Variants in LRRTM3 observed in about 807,000 individuals in gnomAD.
LRRTM3 encodes the protein leucine rich repeat transmembrane neuronal 3.
In LRRTM3, 24 loss-of-function variants were observed where a neutral mutation model predicts 44.7. That is an observed-to-expected ratio of 0.54 (90% CI 0.39 to 0.76). LRRTM3 has a LOEUF of 0.76. Among genes scored for constraint, LRRTM3 ranks in the 30% least tolerant of loss-of-function variants. The pLI is 0.00. For missense variants in LRRTM3, 587 were observed against 702.2 expected, an observed-to-expected ratio of 0.84 and a Z score of 1.85; for synonymous variants, 277 against 278.7, an observed-to-expected ratio of 0.99 and a Z score of 0.06.
At chr10:66,931,843 A>G (rs1847414815) in intron 2 of LRRTM3, among the ~76,000 whole-genome samples, 1 of 152,206 alleles carries the variant, frequency 6.6e-6, no homozygotes, top group Non-Finnish European at 1.5e-5. Context: ...GATAAGAAAT[A>G]TTTTAGAGTG....
chr10:67,092,823 G>A (rs999813298), intron 2 of LRRTM3, among the ~76,000 whole-genome samples: 10 of 151,942 alleles, frequency 6.6e-5, no homozygotes, highest in African/African-American at 2.2e-4. Context: ...ATTACTGCTA[G>A]GGCAAATATC....
intron 2 of LRRTM3, among the ~76,000 whole-genome samples, chr10:66,977,243 A>C (rs1429890760): frequency 6.6e-6 from 1 of 151,854 alleles, no homozygotes; most frequent in African/African-American, 2.4e-5. Context: ...TTGAGACCAT[A>C]CTGGCCAACA....
chr10:67,082,251 T>C (rs920225058), intron 2 of LRRTM3, among the ~76,000 whole-genome samples: 12 of 152,240 alleles, frequency 7.9e-5, no homozygotes, highest in African/African-American at 2.4e-4. Flanking sequence ...AATATATTAG[T>C]TGGTTTTAAC....
chr10:67,094,465 T>C (rs1857844561), intron 2 of LRRTM3, among the ~76,000 whole-genome samples: 1 of 151,810 alleles, frequency 6.6e-6, no homozygotes, highest in Non-Finnish European at 1.5e-5. Flanking sequence ...TTATAGTAAT[T>C]GGGGGAACAG....
chr10:66,986,646 G>T (rs1033265074), intron 2 of LRRTM3, among the ~76,000 whole-genome samples: 1 of 152,112 alleles, frequency 6.6e-6, no homozygotes, highest in Non-Finnish European at 1.5e-5. Context: ...AAGAATTTTA[G>T]AATGAATCAA....
chr10:67,040,096 T>G (rs1451671516), intron 2 of LRRTM3, among the ~76,000 whole-genome samples: 3 of 152,142 alleles, frequency 2.0e-5, no homozygotes, highest in African/African-American at 7.2e-5. Context: ...CAGCAATCAT[T>G]CTAGCAGTAT....
chr10:66,982,625 G>GA (rs1322008851), intron 2 of LRRTM3, among the ~76,000 whole-genome samples: 2 of 151,920 alleles, frequency 1.3e-5, no homozygotes, highest in African/African-American at 2.4e-5. Flanking sequence ...AATTGAAATA[G>GA]AAAAAAATTG....
chr10:66,943,380 A>T (rs1197203407), intron 2 of LRRTM3, among the ~76,000 whole-genome samples: 1 of 152,152 alleles, frequency 6.6e-6, no homozygotes, highest in Non-Finnish European at 1.5e-5. Context: ...ATTACTCTTA[A>T]ATTAGAAACT....
chr10:67,024,921 C>T (rs1322809264), intron 2 of LRRTM3, among the ~76,000 whole-genome samples: 5 of 151,710 alleles, frequency 3.3e-5, no homozygotes, highest in South Asian at 2.1e-4. Context: ...ACCTGAGGTC[C>T]GGAGTTTGAG....
intron 2 of LRRTM3, among the ~76,000 whole-genome samples, chr10:66,991,946 C>T (rs534417159): frequency 6.6e-6 from 1 of 152,250 alleles, no homozygotes; most frequent in Admixed American, 6.5e-5. Flanking sequence ...TTCATACCTC[C>T]CCTTTCAGTG....
intron 2 of LRRTM3, among the ~76,000 whole-genome samples, chr10:67,038,445 C>T (rs1233017216): frequency 6.6e-6 from 1 of 151,808 alleles, no homozygotes; most frequent in Non-Finnish European, 1.5e-5. Context: ...AATATATGTC[C>T]ATTAATTAGA....
chr10:67,093,906 A>T (rs1857811766), intron 2 of LRRTM3, among the ~76,000 whole-genome samples: 1 of 152,002 alleles, frequency 6.6e-6, no homozygotes, highest in South Asian at 2.1e-4. Flanking sequence ...AAAGGGACGG[A>T]TAATCTCTTC....
chr10:67,022,607 C>T (rs542405618), intron 2 of LRRTM3, among the ~76,000 whole-genome samples: 1 of 152,098 alleles, frequency 6.6e-6, no homozygotes, highest in Non-Finnish European at 1.5e-5. Context: ...GGTAAGTATA[C>T]TATTTTTTAC....
At chr10:67,061,787 G>A (rs1855769659) in intron 2 of LRRTM3, among the ~76,000 whole-genome samples, 1 of 152,112 alleles carries the variant, frequency 6.6e-6, no homozygotes, top group Non-Finnish European at 1.5e-5. Context: ...TAATAAGAAA[G>A]GACAGCTTCA....
At chr10:66,970,674 T>G (rs2132824142) in intron 2 of LRRTM3, among the ~76,000 whole-genome samples, 1 of 152,250 alleles carries the variant, frequency 6.6e-6, no homozygotes, top group Non-Finnish European at 1.5e-5. Context: ...ATCTACATAA[T>G]GACACTATTT....
At chr10:67,018,375 T>G (rs1175432581) in intron 2 of LRRTM3, among the ~76,000 whole-genome samples, 1 of 152,228 alleles carries the variant, frequency 6.6e-6, no homozygotes, top group African/African-American at 2.4e-5. Context: ...CAACACCCCT[T>G]AAGTCTTATC....
chr10:67,088,785 T>G (rs1367358161), intron 2 of LRRTM3, among the ~76,000 whole-genome samples: 2 of 152,096 alleles, frequency 1.3e-5, no homozygotes, highest in Admixed American at 1.3e-4. Context: ...TTATTCTCGT[T>G]ACAGACACTT....
In LRRTM3 at chr10:66,926,693, G is replaced by C. The variant is rs1284925727; in HGVS notation, c.4+106G>C. On this transcript the variant is annotated intron_variant, in intron 1 of 2. Transcript: ENST00000361320. ...ATTATTTTAGAGATTACCTTGCTCTGCTCTAAGACTATGAATTTATTTGCT... is the reference window on the plus strand; with the variant it reads ...ATTATTTTAGAGATTACCTTGCTCTCCTCTAAGACTATGAATTTATTTGCT... The C allele has an allele frequency of 6.2e-6, 8 of 1,298,050 alleles. No homozygotes were observed. In the East Asian group the frequency reaches 1.9e-4, roughly 30 times the overall value. The allele number at this position is 1,298,050 out of a possible 1,614,324, so 80.4% of individuals were successfully genotyped here. A position where few individuals can be genotyped will look rare whatever the true frequency, so the allele number is the denominator to read the frequency against.
intron 2 of LRRTM3, among the ~76,000 whole-genome samples, chr10:66,987,085 GA>G (rs1850772999): frequency 6.6e-6 from 1 of 152,168 alleles, no homozygotes. Flanking sequence ...GTCCCGACGT[GA>G]AGTCCTTTTA....
Sources: allele counts gnomAD v4.1 joint callset (sites outside exome capture counted in the v4.1 genomes callset), GRCh38; gene constraint gnomAD v4.1.1; transcripts MANE v1.5; gene names NCBI Gene and HGNC (gene_info 2026-07-23, HGNC 2026-07-21).